Variants in ADGRB3 observed in about 807,000 individuals in gnomAD.
The protein encoded by ADGRB3 is adhesion G protein-coupled receptor B3, also known as brain-specific angiogenesis inhibitor 3.
In ADGRB3, 37 loss-of-function variants were observed where a neutral mutation model predicts 193.4. That is an observed-to-expected ratio of 0.19 (90% CI 0.15 to 0.25). The LOEUF is 0.25. ADGRB3 is among the 10% of genes least tolerant of loss of function. The pLI, the probability that ADGRB3 is intolerant of heterozygous loss-of-function variation, is 1.00. For synonymous variants in ADGRB3, 690 were observed against 644.2 expected, an observed-to-expected ratio of 1.07 and a Z score of -1.08; for missense variants, 1,637 against 1,852.9, an observed-to-expected ratio of 0.88 and a Z score of 2.14.
chr6:69,137,432 A>C (rs1441367558), intron 17 of ADGRB3, among the ~76,000 whole-genome samples: 2 of 151,930 alleles, frequency 1.3e-5, no homozygotes, highest in Non-Finnish European at 2.9e-5. Context: ...ACACACACGC[A>C]AAAACAAATC....
chr6:68,812,631 T>A (rs1270437579), intron 3 of ADGRB3, among the ~76,000 whole-genome samples: 2 of 152,184 alleles, frequency 1.3e-5, no homozygotes, highest in Non-Finnish European at 2.9e-5. Context: ...TAACTGTGAA[T>A]GTTGCTTCTA....
chr6:68,824,493 G>T (rs13208896), intron 3 of ADGRB3, among the ~76,000 whole-genome samples: 2 of 147,792 alleles, frequency 1.4e-5, no homozygotes, highest in African/African-American at 4.9e-5. Flanking sequence ...ACAATTCATC[G>T]GATATTTATA....
At chr6:68,875,201 C>CTTCCTTCCTT in intron 3 of ADGRB3, among the ~76,000 whole-genome samples, 1 of 100,592 alleles carries the variant, frequency 9.9e-6, no homozygotes, top group Non-Finnish European at 2.0e-5. Flanking sequence ...TCCTTCCTTC[C>CTTCCTTCCTT]CCCGGCCCCT....
At chr6:69,121,368 T>C (rs370218522) in intron 17 of ADGRB3, among the ~76,000 whole-genome samples, 2 of 152,332 alleles carry the variant, frequency 1.3e-5, no homozygotes, top group African/African-American at 4.8e-5. Flanking sequence ...GAATTTTTCT[T>C]AGTACAGAAC....
intron 30 of ADGRB3, among the ~76,000 whole-genome samples, chr6:69,374,532 A>C (rs1769773332): frequency 6.6e-6 from 1 of 152,038 alleles, no homozygotes; most frequent in Non-Finnish European, 1.5e-5. Flanking sequence ...CACTCCCCAG[A>C]GTCCACACAC....
intron 17 of ADGRB3, among the ~76,000 whole-genome samples, chr6:69,127,190 G>A (rs1478526404): frequency 6.6e-6 from 1 of 152,134 alleles, no homozygotes; most frequent in Non-Finnish European, 1.5e-5. Flanking sequence ...AAATTTTCCT[G>A]GTTGCAGGAC....
At chr6:69,208,902 G>C (rs912835384) in intron 17 of ADGRB3, among the ~76,000 whole-genome samples, 45 of 152,316 alleles carry the variant, frequency 3.0e-4, no homozygotes, top group African/African-American at 1.0e-3. Flanking sequence ...TCAGTTCACA[G>C]GGTAACATGA....
At chr6:68,867,284 G>T (rs1229379001) in intron 3 of ADGRB3, among the ~76,000 whole-genome samples, 1 of 152,226 alleles carries the variant, frequency 6.6e-6, no homozygotes, top group Non-Finnish European at 1.5e-5. Context: ...AAAGGGGGAA[G>T]GTACAGCTCA....
intron 3 of ADGRB3, among the ~76,000 whole-genome samples, chr6:68,783,127 C>A (rs1020360740): frequency 1.3e-5 from 2 of 151,176 alleles, no homozygotes; most frequent in African/African-American, 4.9e-5. Context: ...TATTATTTAA[C>A]CCTCTGAGTC....
At chr6:68,876,710 C>T (rs576189959) in intron 3 of ADGRB3, among the ~76,000 whole-genome samples, 3 of 152,228 alleles carry the variant, frequency 2.0e-5, no homozygotes, top group African/African-American at 4.8e-5. Flanking sequence ...CATTTCAATT[C>T]ATTAAGTAAA....
chr6:68,981,531 GTATTA>G (rs1166036771), intron 10 of ADGRB3, among the ~76,000 whole-genome samples: 2 of 151,482 alleles, frequency 1.3e-5, no homozygotes, highest in East Asian at 3.9e-4. Context: ...TTTATGTATT[GTATTA>G]TAAGTCTAGA....
intron 20 of ADGRB3, among the ~76,000 whole-genome samples, chr6:69,262,823 A>C (rs958942329): frequency 6.6e-6 from 1 of 150,484 alleles, no homozygotes; most frequent in African/African-American, 2.5e-5. Context: ...TGTATGTGTC[A>C]TAAAAAAAAA....
intron 3 of ADGRB3, among the ~76,000 whole-genome samples, chr6:68,800,050 G>A (rs186075166): frequency 6.6e-6 from 1 of 152,242 alleles, no homozygotes; most frequent in East Asian, 1.9e-4. Flanking sequence ...ATAGAACCAT[G>A]TGTAGTAGGT....
At chr6:69,295,049 T>C (rs1767780097) in intron 20 of ADGRB3, among the ~76,000 whole-genome samples, 1 of 152,154 alleles carries the variant, frequency 6.6e-6, no homozygotes, top group South Asian at 2.1e-4. Context: ...GCAAGCCTGC[T>C]CTGACTGACC....
chr6:69,082,287 A>C (rs1267996226), intron 17 of ADGRB3, among the ~76,000 whole-genome samples: 1 of 152,106 alleles, frequency 6.6e-6, no homozygotes, highest in Non-Finnish European at 1.5e-5. Flanking sequence ...TAAATGAATG[A>C]AATATTTGCA....
At chr6:69,314,084 T>C (rs1440061161) in intron 20 of ADGRB3, among the ~76,000 whole-genome samples, 1 of 151,754 alleles carries the variant, frequency 6.6e-6, no homozygotes, top group Non-Finnish European at 1.5e-5. Flanking sequence ...AGCCTGGAGA[T>C]AACAGTATAT....
At chr6:68,897,940 CAAAT>C (rs951215276) in intron 3 of ADGRB3, among the ~76,000 whole-genome samples, 8 of 142,754 alleles carry the variant, frequency 5.6e-5, no homozygotes, top group Non-Finnish European at 1.1e-4. Context: ...GAAACAGAAA[CAAAT>C]ATATATATAT....
chr6:68,772,162 G>GGTC (rs1766631230), intron 3 of ADGRB3, among the ~76,000 whole-genome samples: 1 of 151,888 alleles, frequency 6.6e-6, no homozygotes, highest in Non-Finnish European at 1.5e-5. Context: ...TTGAAATGGA[G>GGTC]AAGACTGCTG....
intron 8 of ADGRB3, among the ~76,000 whole-genome samples, chr6:68,966,385 A>G (rs1490278221): frequency 6.6e-6 from 1 of 152,128 alleles, no homozygotes; most frequent in Non-Finnish European, 1.5e-5. Context: ...ATATAAAGTC[A>G]AGATCCTTGC....
Sources: allele counts gnomAD v4.1 joint callset (sites outside exome capture counted in the v4.1 genomes callset), GRCh38; gene constraint gnomAD v4.1.1; transcripts MANE v1.5; gene names NCBI Gene and HGNC (gene_info 2026-07-23, HGNC 2026-07-21).